The following TTLL5 variants were observed in gnomAD, a reference collection of about 807,000 sequenced individuals.
TTLL5 encodes tubulin tyrosine ligase like 5, also known as tubulin polyglutamylase TTLL5.
Under a neutral mutation model 168.4 loss-of-function variants are expected in TTLL5, and 132 were observed. That is an observed-to-expected ratio of 0.78 (90% CI 0.68 to 0.91). The LOEUF is 0.91. Among genes scored for constraint, TTLL5 ranks in the 40% least tolerant of loss-of-function variants. TTLL5 has a pLI of 0.00. For missense variants in TTLL5, 1,545 were observed against 1,581.5 expected, an observed-to-expected ratio of 0.98 and a Z score of 0.39; for synonymous variants, 546 against 558.6, an observed-to-expected ratio of 0.98 and a Z score of 0.32.
intron 31 of TTLL5, among the ~76,000 whole-genome samples, chr14:75,953,057 A>G (rs925713326): frequency 6.6e-6 from 1 of 152,362 alleles, no homozygotes; most frequent in South Asian, 2.1e-4. Flanking sequence ...TAAAAAATCA[A>G]TAACAATTCA....
chr14:75,795,867 T>C (rs554989498), intron 27 of TTLL5, among the ~76,000 whole-genome samples: 1 of 152,350 alleles, frequency 6.6e-6, no homozygotes, highest in Non-Finnish European at 1.5e-5. Context: ...ATTTTTGCAA[T>C]TGCAAATTGT....
In TTLL5 at chr14:75,773,659, C is replaced by T. The variant is rs531153132; in HGVS notation, c.2136+1805C>T. ...ATCCCAGCGCTTTGGGAGGCTGAGG[C>T]GGGTGGATCAGTTGAGGTCAGGAGT... is the stretch of plus-strand genomic sequence containing the variant. On this transcript the variant is annotated intron_variant, in intron 21 of 31. Transcript: ENST00000298832. Among the ~76,000 whole-genome samples the T allele has an allele frequency of 2.3e-3, 346 of 151,558 alleles. 1 individual carries two copies. The highest frequency in any genetic ancestry group is 8.1e-3 in the African/African-American group (333 of 41,310).
intron 31 of TTLL5, among the ~76,000 whole-genome samples, chr14:75,909,475 C>A (rs2033280701): frequency 6.6e-6 from 1 of 151,850 alleles, no homozygotes. Context: ...TGCCTCCAGA[C>A]TGACACTGGT....
chr14:75,744,427 T>A (rs1889470754), intron 15 of TTLL5: 1 of 152,236 alleles, frequency 6.6e-6, no homozygotes. Flanking sequence ...GATCCTCTTC[T>A]GGGATCAGTG....
At chr14:75,700,686 C>T (rs1043622882) in intron 7 of TTLL5, among the ~76,000 whole-genome samples, 3 of 152,148 alleles carry the variant, frequency 2.0e-5, no homozygotes, top group African/African-American at 7.2e-5. Context: ...ACTTTACTTC[C>T]TTTCATTTCT....
chr14:75,858,815 A>G (rs775191743), intron 28 of TTLL5, among the ~76,000 whole-genome samples: 2 of 152,230 alleles, frequency 1.3e-5, no homozygotes, highest in Non-Finnish European at 2.9e-5. Flanking sequence ...ATTTCTCCCC[A>G]GAAAGCACCT....
At chr14:75,786,279 A>G (rs1007438821) in intron 26 of TTLL5, among the ~76,000 whole-genome samples, 4 of 152,188 alleles carry the variant, frequency 2.6e-5, no homozygotes, top group Non-Finnish European at 1.5e-5. Context: ...ATTCAGTAAG[A>G]TGAATGTCTT....
chr14:75,873,320 T>C (rs2031201638), intron 29 of TTLL5, among the ~76,000 whole-genome samples: 2 of 152,162 alleles, frequency 1.3e-5, no homozygotes, highest in South Asian at 4.1e-4. Flanking sequence ...GTGATCCGCC[T>C]GCCTTGGCCT....
intron 7 of TTLL5, among the ~76,000 whole-genome samples, chr14:75,703,873 C>G (rs1253033850): frequency 6.6e-6 from 1 of 152,138 alleles, no homozygotes; most frequent in Non-Finnish European, 1.5e-5. Context: ...TTGAGAAATT[C>G]TCCTAATTAT....
chr14:75,791,369 TGA>T, intron 26 of TTLL5, among the ~76,000 whole-genome samples: 1 of 152,020 alleles, frequency 6.6e-6, no homozygotes, highest in Non-Finnish European at 1.5e-5. Flanking sequence ...GCAAGGAAAA[TGA>T]ATGACTTTCA....
intron 13 of TTLL5, 135 bp from the exon 14 acceptor site, chr14:75,733,854 C>T (rs933999640): frequency 1.2e-4 from 95 of 762,494 alleles, no homozygotes; most frequent in African/African-American, 1.1e-3. Flanking sequence ...CCACCGCCCC[C>T]GTGGATTTTA....
intron 13 of TTLL5, 26 bp downstream of exon 13, chr14:75,732,445 A>G: frequency 6.2e-7 from 1 of 1,603,942 alleles, no homozygotes; most frequent in Non-Finnish European, 8.5e-7. Context: ...CAACTAAAAA[A>G]GGACAAATCT....
At chr14:75,925,834 C>T (rs999410621) in intron 31 of TTLL5, among the ~76,000 whole-genome samples, 7 of 151,992 alleles carry the variant, frequency 4.6e-5, no homozygotes, top group African/African-American at 1.7e-4. Context: ...GGATCACTCG[C>T]GGTTAGGAGC....
rs994898088 is a variant in TTLL5, at chr14:75,723,515, T to A, written c.1042+2812T>A. On this transcript the variant is annotated intron_variant, in intron 12 of 31. Transcript: ENST00000298832. ...AAAGGTTTATTTTTCTACATCTACT[T>A]GGCTCTTATATGAGGGTAAATTTCT... Among the ~76,000 whole-genome samples, 4 of 152,330 alleles carry A rather than the reference T, an allele frequency of 2.6e-5. 1 individual carries two copies. The highest frequency in any genetic ancestry group is 9.6e-5 in the African/African-American group (4 of 41,576).
At chr14:75,689,970 T>C (rs1341698878) in intron 5 of TTLL5, 19 of 446,046 alleles carry the variant, frequency 4.3e-5, no homozygotes. Context: ...AAGGGCAAAT[T>C]TTACTGTATG....
intron 3 of TTLL5, among the ~76,000 whole-genome samples, chr14:75,674,616 A>G (rs951927840): frequency 6.6e-6 from 1 of 152,116 alleles, no homozygotes; most frequent in Non-Finnish European, 1.5e-5. Flanking sequence ...AATTGTATGT[A>G]CTTTAAATGT....
Position 75,732,381 on chromosome 14 carries a change from A to G in TTLL5, c.1086A>G (p.Pro362=), listed in dbSNP as rs146212436. The G allele has an allele frequency of 1.2e-6, 2 of 1,613,876 alleles. No individual in the cohort carries two copies. Among genetic ancestry groups the G allele is most frequent in the South Asian group, 1.1e-5 (1 of 91,070 alleles). Residue 362 remains proline, a synonymous_variant, in exon 13 of 32, where the codon CCA becomes CCG. Coordinates refer to ENST00000298832, the MANE Select transcript of TTLL5 (RefSeq NM_015072.5). ...TGCTCATAGATTCTACTCTGAAGCC[A>G]TGGTTGTTGGAAGTGAATCTCTCTC... The part of the protein sequence containing the change: ...FDVLIDSTLK[P]WLLEVNLSPS...
intron 31 of TTLL5, among the ~76,000 whole-genome samples, chr14:75,930,975 C>T (rs1051400639): frequency 2.0e-5 from 3 of 152,142 alleles, no homozygotes; most frequent in Non-Finnish European, 2.9e-5. Context: ...GATAAAGCTC[C>T]CCATCCTTGC....
intron 30 of TTLL5, chr14:75,887,013 T>A: frequency 2.2e-6 from 3 of 1,348,218 alleles, no homozygotes; most frequent in Non-Finnish European, 2.8e-6. Context: ...TGCAGTACTT[T>A]TCCTTAAATA....
Sources: gnomAD v4.1 joint callset for allele counts (sites outside exome capture counted in the v4.1 genomes callset) on GRCh38, gnomAD v4.1.1 for gene constraint, MANE v1.5 for transcripts, NCBI Gene and HGNC (gene_info 2026-07-23, HGNC 2026-07-21) for gene names.